Variants in SEL1L3 observed in about 807,000 individuals in gnomAD.
The protein encoded by SEL1L3 is protein sel-1 homolog 3.
A neutral mutation model predicts 142.8 loss-of-function variants in SEL1L3; 76 were observed. The observed-to-expected ratio is 0.53, with a 90% CI of 0.44 to 0.64. SEL1L3 has a LOEUF of 0.64. Among genes scored for constraint, SEL1L3 ranks in the 30% least tolerant of loss-of-function variants. The pLI, the probability that SEL1L3 is intolerant of heterozygous loss-of-function variation, is 0.00. For synonymous variants in SEL1L3, 504 were observed against 519.6 expected, an observed-to-expected ratio of 0.97 and a Z score of 0.41; for missense variants, 1,262 against 1,381.7, an observed-to-expected ratio of 0.91 and a Z score of 1.37.
chr4:25,776,321 G>A lies in SEL1L3; in HGVS notation c.2625C>T (p.Gly875=), dbSNP rs767488790. Residue 875 remains glycine, a synonymous_variant, in exon 17 of 24, where the codon GGC becomes GGT. Coordinates refer to ENST00000399878, the MANE Select transcript of SEL1L3 (RefSeq NM_015187.5). ...KHVAEKNGYL[G]HVIRKGLNAY... Reference sequence around the variant, plus strand: ...CATTGAGGCCTTTGCGGATGACATGGCCCAAGTAGCCATTTTTCTCAGCTA... The same window carrying A: ...CATTGAGGCCTTTGCGGATGACATGACCCAAGTAGCCATTTTTCTCAGCTA... The A allele has an allele frequency of 1.6e-5, 26 of 1,612,610 alleles. No individual in the cohort carries two copies. The highest frequency in any genetic ancestry group is 2.0e-5 in the Non-Finnish European group (23 of 1,179,132).
chr4:25,714,787 G>A, the SEL1L3 span, among the ~76,000 whole-genome samples: 1 of 151,930 alleles, frequency 6.6e-6, no homozygotes, highest in Non-Finnish European at 1.5e-5. Flanking sequence ...GCCCAGGCTG[G>A]TCTTGAACTT....
chr4:25,799,241 GT>G (rs1458863430), intron 11 of SEL1L3, among the ~76,000 whole-genome samples: 11 of 151,992 alleles, frequency 7.2e-5, no homozygotes, highest in African/African-American at 2.7e-4. Flanking sequence ...TGCCTGGCTA[GT>G]TTTTGCATTT....
chr4:25,808,754 GCTTT>G (rs1337966056), intron 9 of SEL1L3, among the ~76,000 whole-genome samples: 2 of 119,720 alleles, frequency 1.7e-5, no homozygotes, highest in Non-Finnish European at 1.8e-5. Flanking sequence ...CTCACAGCCT[GCTTT>G]CTTTTTCTTT....
At chr4:25,731,755 T>G in the SEL1L3 span, among the ~76,000 whole-genome samples, 10,958 of 152,142 alleles carry the variant, frequency 0.072, 822 homozygotes, top group African/African-American at 0.19. Context: ...TTGGGTTAGT[T>G]CCAGTTAGGG....
At chr4:25,778,410 A>G (rs148272994) in intron 16 of SEL1L3, among the ~76,000 whole-genome samples, 134 of 152,374 alleles carry the variant, frequency 8.8e-4, no homozygotes, top group African/African-American at 3.1e-3. Context: ...TCAAATACAT[A>G]GAAAATGATA....
At chr4:25,720,725 A>G in the SEL1L3 span, 3 of 152,226 alleles carry the variant, frequency 2.0e-5, no homozygotes, top group Non-Finnish European at 4.4e-5. Flanking sequence ...AGAGCCCATC[A>G]GCGATAGTAA....
chr4:25,770,318 T>A (rs1177944233), intron 17 of SEL1L3: 1 of 152,162 alleles, frequency 6.6e-6, no homozygotes, highest in Non-Finnish European at 1.5e-5. Flanking sequence ...ACTTCTATCG[T>A]CCAATCATTG....
At chr4:25,820,109 T>C (rs1419497855) in intron 7 of SEL1L3, among the ~76,000 whole-genome samples, 169 bp from the exon 8 acceptor site, 3 of 152,216 alleles carry the variant, frequency 2.0e-5, no homozygotes, top group Non-Finnish European at 4.4e-5. Flanking sequence ...TTGGTACTAA[T>C]TCAAGGACAT....
At chr4:25,819,393 C>T (rs1714606859) in intron 8 of SEL1L3, among the ~76,000 whole-genome samples, 1 of 152,226 alleles carries the variant, frequency 6.6e-6, no homozygotes, top group South Asian at 2.1e-4. Context: ...TTTCTGAAAG[C>T]TAATATTCAG....
intron 5 of SEL1L3, among the ~76,000 whole-genome samples, 186 bp from the exon 6 acceptor site, chr4:25,830,342 C>CA (rs60731079): frequency 6.6e-6 from 1 of 152,202 alleles, no homozygotes; most frequent in Non-Finnish European, 1.5e-5. Context: ...TTAACTTCCC[C>CA]AAATGTGACT....
At chr4:25,716,189 A>G in the SEL1L3 span, among the ~76,000 whole-genome samples, 1 of 152,190 alleles carries the variant, frequency 6.6e-6, no homozygotes, top group Non-Finnish European at 1.5e-5. Context: ...AAAAAATCCA[A>G]TATGAAAATG....
At chr4:25,765,662 C>T (rs745935388) in intron 19 of SEL1L3, among the ~76,000 whole-genome samples, 7 of 151,728 alleles carry the variant, frequency 4.6e-5, no homozygotes, top group Non-Finnish European at 8.8e-5. Context: ...AAATTTTTTG[C>T]GATAGGGTCT....
chr4:25,745,966 C>T (rs1162871381), downstream of SEL1L3, among the ~76,000 whole-genome samples: 2 of 152,186 alleles, frequency 1.3e-5, no homozygotes, highest in African/African-American at 2.4e-5. Flanking sequence ...ACTGCTCTTT[C>T]TTATGTTATA....
At chr4:25,732,545 G>C in the SEL1L3 span, among the ~76,000 whole-genome samples, 19 of 152,078 alleles carry the variant, frequency 1.2e-4, no homozygotes, top group Non-Finnish European at 2.6e-4. Context: ...GATATGTAGT[G>C]GTATCTCAAT....
intron 1 of SEL1L3, 88 bp downstream of exon 1, chr4:25,862,587 C>T: frequency 3.1e-6 from 2 of 646,922 alleles, no homozygotes; most frequent in Non-Finnish European, 4.3e-6. Context: ...GCGTCCCCGC[C>T]CCGCGTGGCG....
the SEL1L3 span, among the ~76,000 whole-genome samples, chr4:25,726,972 TTCTC>T: frequency 8.8e-6 from 1 of 113,418 alleles, no homozygotes; most frequent in African/African-American, 3.6e-5. Context: ...AGACAGATCT[TTCTC>T]TCTGTGTTCT....
intron 9 of SEL1L3, among the ~76,000 whole-genome samples, chr4:25,806,217 TTAG>T (rs1320467469): frequency 6.6e-6 from 1 of 152,014 alleles, no homozygotes; most frequent in Non-Finnish European, 1.5e-5. Context: ...TTTTTGTATT[TTAG>T]TAGAGAGAGG....
At chr4:25,756,896 C>G (rs1718002035) in intron 23 of SEL1L3, 1 of 1,283,346 alleles carries the variant, frequency 7.8e-7, no homozygotes, top group Non-Finnish European at 1.0e-6. Context: ...TTCAGGCACA[C>G]AGAGGCAGAA....
intron 23 of SEL1L3, among the ~76,000 whole-genome samples, chr4:25,757,279 A>C (rs1376135002): frequency 6.6e-6 from 1 of 151,990 alleles, no homozygotes; most frequent in Non-Finnish European, 1.5e-5. Context: ...AAAAAAACAA[A>C]ATAAAATAAA....
Sources: gnomAD v4.1 joint callset for allele counts (sites outside exome capture counted in the v4.1 genomes callset) on GRCh38, gnomAD v4.1.1 for gene constraint, MANE v1.5 for transcripts, NCBI Gene and HGNC (gene_info 2026-07-23, HGNC 2026-07-21) for gene names.